CDH13: variants seen among roughly 807,000 people sequenced by gnomAD.
The protein encoded by CDH13 is cadherin 13.
CDH13 carries 24 observed loss-of-function variants against 63.8 expected under a neutral mutation model. That is an observed-to-expected ratio of 0.38 (90% CI 0.27 to 0.53). The LOEUF (loss-of-function observed/expected upper bound fraction) is 0.53, where lower values mean the gene tolerates loss of function less well. Among genes scored for constraint, CDH13 ranks in the 20% least tolerant of loss-of-function variants. CDH13 has a pLI of 0.85. For synonymous variants in CDH13, 503 were observed against 355.3 expected (o/e 1.42, Z -4.67); for missense variants, 1,049 against 903.1 (o/e 1.16, Z -2.07).
At chr16:83,740,323 C>T (rs1352176022) in intron 10 of CDH13, among the ~76,000 whole-genome samples, 1 of 151,858 alleles carries the variant, frequency 6.6e-6, no homozygotes, top group Non-Finnish European at 1.5e-5. Context: ...ACACTGGCTG[C>T]TCTTTGGAGA....
intron 2 of CDH13, among the ~76,000 whole-genome samples, chr16:82,990,591 G>T (rs1455106254): frequency 1.3e-5 from 2 of 148,262 alleles, no homozygotes; most frequent in Non-Finnish European, 3.0e-5. Flanking sequence ...TTATCATCCA[G>T]GCTGGAGTGC....
intron 3 of CDH13, among the ~76,000 whole-genome samples, chr16:83,090,128 C>T (rs2033820588): frequency 6.6e-6 from 1 of 152,170 alleles, no homozygotes; most frequent in East Asian, 1.9e-4. Flanking sequence ...CAAAAGCCTA[C>T]AGCTTCCTCC....
At chr16:83,538,878 A>C (rs2075246145) in intron 7 of CDH13, among the ~76,000 whole-genome samples, 1 of 152,222 alleles carries the variant, frequency 6.6e-6, no homozygotes, top group Non-Finnish European at 1.5e-5. Context: ...TTTGTAAAAA[A>C]ATATATGTTA....
intron 1 of CDH13, among the ~76,000 whole-genome samples, chr16:82,834,673 T>C (rs1426286717): frequency 2.0e-5 from 3 of 152,172 alleles, no homozygotes; most frequent in Admixed American, 6.5e-5. Context: ...GTCTGCCTGA[T>C]AAATGTCTGT....
chr16:83,034,812 A>G (rs941383186), intron 3 of CDH13, among the ~76,000 whole-genome samples: 1 of 152,202 alleles, frequency 6.6e-6, no homozygotes, highest in South Asian at 2.1e-4. Context: ...TCAGCCACGC[A>G]TTGTTTGTAC....
intron 3 of CDH13, among the ~76,000 whole-genome samples, chr16:83,063,546 T>C (rs924412350): frequency 6.6e-6 from 1 of 152,176 alleles, no homozygotes; most frequent in Non-Finnish European, 1.5e-5. Flanking sequence ...TGGACAGAGA[T>C]GATTTAGCTG....
chr16:82,856,943 A>C (rs1022145729), intron 1 of CDH13, among the ~76,000 whole-genome samples: 5 of 152,166 alleles, frequency 3.3e-5, no homozygotes, highest in Admixed American at 6.5e-5. Context: ...ATTCCCCATC[A>C]GTTATTGGTT....
chr16:83,249,809 C>T (rs563127803), intron 5 of CDH13, among the ~76,000 whole-genome samples: 14 of 152,324 alleles, frequency 9.2e-5, no homozygotes, highest in East Asian at 5.8e-4. Context: ...GAAGCTTTGA[C>T]GTTGGTGTTA....
chr16:83,750,568 G>T (rs1912998873), intron 11 of CDH13, among the ~76,000 whole-genome samples: 1 of 152,212 alleles, frequency 6.6e-6, no homozygotes, highest in Admixed American at 6.5e-5. Context: ...TCATGCTGGA[G>T]TAAGGTGGGC....
intron 1 of CDH13, among the ~76,000 whole-genome samples, chr16:82,785,636 A>G (rs2151123757): frequency 6.6e-6 from 1 of 152,312 alleles, no homozygotes; most frequent in African/African-American, 2.4e-5. Context: ...CATTCTAGAG[A>G]TTTGATAATC....
intron 1 of CDH13, among the ~76,000 whole-genome samples, chr16:82,769,548 A>G (rs935970643): frequency 2.0e-5 from 3 of 152,230 alleles, no homozygotes; most frequent in African/African-American, 7.2e-5. Flanking sequence ...TGAAGAGGAC[A>G]TTAGTGGCCA....
At chr16:82,650,061 T>C (rs1910547221) in intron 1 of CDH13, among the ~76,000 whole-genome samples, 2 of 152,166 alleles carry the variant, frequency 1.3e-5, no homozygotes, top group Non-Finnish European at 2.9e-5. Context: ...CTCAGTCACT[T>C]AAAGAATGTT....
intron 10 of CDH13, among the ~76,000 whole-genome samples, chr16:83,718,449 A>G (rs552214236): frequency 2.0e-5 from 3 of 152,174 alleles, no homozygotes; most frequent in Non-Finnish European, 4.4e-5. Flanking sequence ...AGAGTGAAGG[A>G]ATCGCTCTCA....
At chr16:83,636,844 C>T (rs1225201504) in intron 8 of CDH13, among the ~76,000 whole-genome samples, 1 of 152,186 alleles carries the variant, frequency 6.6e-6, no homozygotes, top group Non-Finnish European at 1.5e-5. Flanking sequence ...AGACTGCTCT[C>T]CGCAATGGCT....
intron 1 of CDH13, among the ~76,000 whole-genome samples, chr16:82,791,237 C>CAA (rs3046482): frequency 9.7e-6 from 1 of 103,416 alleles, no homozygotes; most frequent in African/African-American, 3.9e-5. Context: ...ACTCCGTCTC[C>CAA]AAAAAAAAAA....
intron 3 of CDH13, among the ~76,000 whole-genome samples, chr16:83,048,470 A>T (rs541698409): frequency 1.7e-3 from 255 of 152,230 alleles, no homozygotes; most frequent in Middle Eastern, 3.4e-3. Flanking sequence ...GTAATTATTC[A>T]TCTTTAATTT....
intron 6 of CDH13, among the ~76,000 whole-genome samples, chr16:83,401,373 T>C (rs2091965838): frequency 6.7e-6 from 1 of 148,208 alleles, no homozygotes; most frequent in Admixed American, 6.7e-5. Context: ...ATATAAAAAA[T>C]TAAAAAATTA....
At chr16:83,666,465 G>T (rs573535872) in intron 8 of CDH13, among the ~76,000 whole-genome samples, 5 of 152,220 alleles carry the variant, frequency 3.3e-5, no homozygotes, top group Admixed American at 3.3e-4. Flanking sequence ...ATTCTCTCAG[G>T]AGTAGATTTA....
At chr16:83,066,756 T>C (rs917373718) in intron 3 of CDH13, among the ~76,000 whole-genome samples, 16 of 152,208 alleles carry the variant, frequency 1.1e-4, no homozygotes, top group African/African-American at 3.4e-4. Context: ...GAAAAATTAC[T>C]GTCACAGAGA....
Sources: gnomAD v4.1 joint callset for allele counts (sites outside exome capture counted in the v4.1 genomes callset) on GRCh38, gnomAD v4.1.1 for gene constraint, MANE v1.5 for transcripts, NCBI Gene and HGNC (gene_info 2026-07-23, HGNC 2026-07-21) for gene names.